HEATR5A: variants seen among roughly 807,000 people sequenced by gnomAD.
The protein encoded by HEATR5A is HEAT repeat containing 5A.
A neutral mutation model predicts 218.8 loss-of-function variants in HEATR5A; 178 were observed. That is an observed-to-expected ratio of 0.81 (90% CI 0.72 to 0.92). HEATR5A has a LOEUF of 0.92. HEATR5A is among the 40% of genes least tolerant of loss of function. HEATR5A has a pLI of 0.00. For synonymous variants in HEATR5A, 864 were observed against 871.6 expected, an observed-to-expected ratio of 0.99 and a Z score of 0.15; for missense variants, 2,420 against 2,418.9, an observed-to-expected ratio of 1.00 and a Z score of -0.01.
At chr14:31,404,825 G>A (rs1341587310) in intron 1 of HEATR5A, among the ~76,000 whole-genome samples, 1 of 151,812 alleles carries the variant, frequency 6.6e-6, no homozygotes, top group Non-Finnish European at 1.5e-5. Flanking sequence ...GAGGTAGGAG[G>A]ATCACTTGAG....
chr14:31,396,745 G>A (rs1162565044), intron 4 of HEATR5A, among the ~76,000 whole-genome samples: 4 of 152,188 alleles, frequency 2.6e-5, no homozygotes, highest in Non-Finnish European at 5.9e-5. Flanking sequence ...TCTCTGAAAT[G>A]TTGTGATACC....
chr14:31,371,368 CAT>C (rs777014985), intron 13 of HEATR5A, among the ~76,000 whole-genome samples: 4 of 152,158 alleles, frequency 2.6e-5, no homozygotes, highest in African/African-American at 9.7e-5. Flanking sequence ...AGAACTTTCA[CAT>C]GTTTTATTAA....
At chr14:31,334,373 G>C (rs1348557351) in intron 22 of HEATR5A, 2 of 455,588 alleles carry the variant, frequency 4.4e-6, no homozygotes, top group African/African-American at 2.0e-5. Context: ...TCCAGGCAAA[G>C]TAACTGAAAA....
At chr14:31,349,499 G>A (rs1350912811) in intron 18 of HEATR5A, among the ~76,000 whole-genome samples, 2 of 152,098 alleles carry the variant, frequency 1.3e-5, no homozygotes, top group African/African-American at 4.8e-5. Context: ...TTATAAAACT[G>A]TATAAATATT....
chr14:31,348,845 A>G (rs971010281), intron 18 of HEATR5A, among the ~76,000 whole-genome samples: 4 of 152,164 alleles, frequency 2.6e-5, no homozygotes. Flanking sequence ...CAAATCAGAC[A>G]CACATATTCA....
At chr14:31,390,423 T>C (rs993439097) in intron 6 of HEATR5A, among the ~76,000 whole-genome samples, 1 of 152,126 alleles carries the variant, frequency 6.6e-6, no homozygotes, top group Non-Finnish European at 1.5e-5. Flanking sequence ...CAAGAGATGA[T>C]AGTGACTTGG....
intron 1 of HEATR5A, among the ~76,000 whole-genome samples, chr14:31,418,163 C>A (rs1367423092): frequency 6.6e-6 from 1 of 151,282 alleles, no homozygotes; most frequent in Non-Finnish European, 1.5e-5. Flanking sequence ...GAGCCAAGAT[C>A]GCGCCACTGC....
At chr14:31,379,957 C>T (rs1477624061) in intron 11 of HEATR5A, among the ~76,000 whole-genome samples, 1 of 151,846 alleles carries the variant, frequency 6.6e-6, no homozygotes, top group Non-Finnish European at 1.5e-5. Context: ...GACCCTGTCT[C>T]AAAAATTTAG....
At chr14:31,420,044 A>C (rs565757404) in intron 1 of HEATR5A, 11 of 152,322 alleles carry the variant, frequency 7.2e-5, no homozygotes, top group African/African-American at 2.6e-4. Flanking sequence ...CGGACGCCGC[A>C]GGGCGGGTCC....
chr14:31,414,584 G>A (rs1405228748), intron 1 of HEATR5A, among the ~76,000 whole-genome samples: 1 of 152,146 alleles, frequency 6.6e-6, no homozygotes, highest in Admixed American at 6.5e-5. Context: ...AGCACATCAG[G>A]GTTTACAGGA....
chr14:31,420,156 T>C (rs2031597961), intron 1 of HEATR5A: 2 of 152,410 alleles, frequency 1.3e-5, no homozygotes, highest in South Asian at 2.1e-4. Flanking sequence ...GCCTACCTGT[T>C]GTGCACAGGT....
At chr14:31,391,213 C>T (rs2030440821) in intron 6 of HEATR5A, among the ~76,000 whole-genome samples, 1 of 152,202 alleles carries the variant, frequency 6.6e-6, no homozygotes, top group Non-Finnish European at 1.5e-5. Context: ...ACTGAAACCT[C>T]TGCCTCCCAT....
intron 10 of HEATR5A, among the ~76,000 whole-genome samples, chr14:31,381,104 C>A (rs962501938): frequency 2.0e-5 from 3 of 151,988 alleles, no homozygotes; most frequent in Non-Finnish European, 2.9e-5. Flanking sequence ...AAAAATTAGC[C>A]GGGCGTGGTG....
chr14:31,398,880 T>C, intron 3 of HEATR5A, 99 bp from the exon 4 acceptor site: 1 of 656,722 alleles, frequency 1.5e-6, no homozygotes, highest in Non-Finnish European at 2.6e-6. Context: ...ATATCCCCCA[T>C]TCTCTTGTCT....
intron 6 of HEATR5A, among the ~76,000 whole-genome samples, chr14:31,391,858 A>C (rs1287116618): frequency 6.6e-6 from 1 of 152,174 alleles, no homozygotes; most frequent in Non-Finnish European, 1.5e-5. Flanking sequence ...TCTAAGAGCA[A>C]TAGTCTATAC....
intron 16 of HEATR5A, among the ~76,000 whole-genome samples, chr14:31,356,283 C>A (rs1464859620): frequency 2.6e-5 from 4 of 152,158 alleles, no homozygotes; most frequent in Non-Finnish European, 5.9e-5. Flanking sequence ...GTTGCTAAGG[C>A]TGGAGTGCAG....
At chr14:31,380,751 A>C (rs2029946082) in intron 10 of HEATR5A, among the ~76,000 whole-genome samples, 173 bp from the exon 11 acceptor site, 1 of 152,238 alleles carries the variant, frequency 6.6e-6, no homozygotes, top group Non-Finnish European at 1.5e-5. Context: ...AAACTATAAA[A>C]AATTAAGTTT....
In HEATR5A at chr14:31,350,713, G is replaced by A. The variant is rs1566764215; in HGVS notation, c.2416C>T (p.Leu806Phe). 6.7e-7 allele frequency: 1 copy of A among 1,499,028 alleles called. No homozygotes were observed. Among genetic ancestry groups the A allele is most frequent in the Non-Finnish European group, 9.2e-7 (1 of 1,089,292 alleles). 92.9% of individuals were successfully genotyped at this position (1,499,028 alleles called of 1,614,324 possible). A position where few individuals can be genotyped will look rare whatever the true frequency, so the allele number is the denominator to read the frequency against. ...CTGTCCAAAAGCTGTTCCAATATAA[G>A]AAGCCTACAATCAGAAATAACAGGA... ...CAHVGETQRL[L>F]ILEQLLDSIK... The change falls in exon 17 of 36, where the codon CTT (leucine) becomes TTT (phenylalanine). Residue 806 changes from leucine (L) to phenylalanine (F), a missense_variant. Leu to Phe is a conservative substitution (Grantham distance 22). Transcript: ENST00000543095.
At chr14:31,385,013 T>G (rs1253221125) in intron 9 of HEATR5A, among the ~76,000 whole-genome samples, 1 of 152,102 alleles carries the variant, frequency 6.6e-6, no homozygotes. Flanking sequence ...ATGAAACATG[T>G]AAGTTTCATG....
Sources: allele counts gnomAD v4.1 joint callset (sites outside exome capture counted in the v4.1 genomes callset), GRCh38; gene constraint gnomAD v4.1.1; transcripts MANE v1.5; gene names NCBI Gene and HGNC (gene_info 2026-07-23, HGNC 2026-07-21).